Variants in SPATA9 observed in about 807,000 individuals in gnomAD.
SPATA9 encodes spermatogenesis-associated protein 9.
In SPATA9, 27 loss-of-function variants were observed where a neutral mutation model predicts 25.5. The ratio of observed to expected loss-of-function variants is 1.06; its 90% CI spans 0.78 to 1.46. SPATA9 has a LOEUF of 1.46. SPATA9 is among the 40% of genes most tolerant of loss of function. SPATA9 has a pLI of 0.00. For synonymous variants in SPATA9, 102 were observed against 105.7 expected, an observed-to-expected ratio of 0.97 and a Z score of 0.21; for missense variants, 282 against 297.5, an observed-to-expected ratio of 0.95 and a Z score of 0.38.
chr5:95,707,569 C>T, the SPATA9 span, among the ~76,000 whole-genome samples: 1 of 152,094 alleles, frequency 6.6e-6, no homozygotes, highest in Non-Finnish European at 1.5e-5. Context: ...GTAAACCGTT[C>T]CAGGTGCAGG....
chr5:95,675,090 A>T lies in SPATA9; in HGVS notation c.378+322T>A, dbSNP rs1267412174. ...GTTGCCTTGGAAACATAACAAAGTTATGAGGAAAAAGGAACAAAACACAAT... is the reference window on the plus strand; with the variant it reads ...GTTGCCTTGGAAACATAACAAAGTTTTGAGGAAAAAGGAACAAAACACAAT... On this transcript the variant is annotated intron_variant, in intron 3 of 4. Coordinates refer to ENST00000274432, the MANE Select transcript of SPATA9 (RefSeq NM_031952.4). Among the ~76,000 whole-genome samples the T allele has an allele frequency of 2.0e-5, 3 of 152,358 alleles. No homozygotes were observed. In the East Asian group the frequency reaches 5.8e-4, roughly 29 times the overall value.
chr5:95,668,032 T>TG (rs1751986255), intron 3 of SPATA9, among the ~76,000 whole-genome samples: 1 of 152,220 alleles, frequency 6.6e-6, no homozygotes, highest in Admixed American at 6.5e-5. Flanking sequence ...AAGCTGATGC[T>TG]GCCATGCTTC....
In SPATA9 at chr5:95,675,486, A is replaced by C; in HGVS notation, c.304T>G (p.Leu102Val). 6.2e-7 allele frequency: 1 copy of C among 1,614,148 alleles called. No individual in the cohort carries two copies. Among genetic ancestry groups the C allele is most frequent in the Non-Finnish European group, 8.5e-7 (1 of 1,180,014 alleles). The change falls in exon 3 of 5, where the codon TTA becomes GTA. Residue 102 changes from leucine to valine, a missense_variant. Leu to Val is a conservative substitution (Grantham distance 32). Transcript: ENST00000274432. Reference sequence around the variant, plus strand: ...CGACCAGATATGTCCCTTAGCTCTAAAAGTCTGCATGCAAGCTGAGGATGC... The same window carrying C: ...CGACCAGATATGTCCCTTAGCTCTACAAGTCTGCATGCAAGCTGAGGATGC... Reference protein sequence around the residue: ...LLHPQLACRLLELRDISGRLL... With the variant: ...LLHPQLACRLVELRDISGRLL...
chr5:95,715,442 G>T, the SPATA9 span, among the ~76,000 whole-genome samples: 3 of 152,078 alleles, frequency 2.0e-5, no homozygotes, highest in Admixed American at 1.3e-4. Context: ...GAATAGAAAA[G>T]CACAGACACT....
the SPATA9 span, chr5:95,708,691 T>C: frequency 1.4e-6 from 1 of 695,420 alleles, no homozygotes; most frequent in Non-Finnish European, 2.6e-6. Context: ...TGCTGCAAGG[T>C]TGACACTTTC....
At chr5:95,709,860 G>A in the SPATA9 span, among the ~76,000 whole-genome samples, 3 of 152,182 alleles carry the variant, frequency 2.0e-5, no homozygotes, top group African/African-American at 7.2e-5. Flanking sequence ...CCTGGGCGCA[G>A]GTTGTGCACT....
chr5:95,720,659 T>G, the SPATA9 span, among the ~76,000 whole-genome samples: 40 of 152,190 alleles, frequency 2.6e-4, no homozygotes, highest in Non-Finnish European at 5.0e-4. Flanking sequence ...TTGTTTGTAT[T>G]ACATTATACG....
At chr5:95,656,614 G>A (rs1750780117), downstream of SPATA9, 1 of 180,190 alleles carries the variant, frequency 5.5e-6, no homozygotes, top group Non-Finnish European at 1.1e-5. Flanking sequence ...TAAAAATTAA[G>A]GATTAGTAAG....
chr5:95,706,562 G>A, the SPATA9 span, among the ~76,000 whole-genome samples: 1 of 152,048 alleles, frequency 6.6e-6, no homozygotes, highest in Non-Finnish European at 1.5e-5. Context: ...CCTAGTCGCA[G>A]GTATGTCTTT....
chr5:95,685,652 ATAGAT>A (rs574022698), upstream of SPATA9, among the ~76,000 whole-genome samples: 285 of 152,348 alleles, frequency 1.9e-3, no homozygotes, highest in African/African-American at 6.1e-3. Flanking sequence ...GAGAACTGAT[ATAGAT>A]TAAAGTCCAA....
At chr5:95,715,826 T>C in the SPATA9 span, among the ~76,000 whole-genome samples, 4 of 152,150 alleles carry the variant, frequency 2.6e-5, no homozygotes, top group Non-Finnish European at 4.4e-5. Flanking sequence ...GTAACAGATA[T>C]AGCTAACAAA....
chr5:95,728,648 C>T, the SPATA9 span, among the ~76,000 whole-genome samples: 2 of 152,136 alleles, frequency 1.3e-5, no homozygotes, highest in Non-Finnish European at 2.9e-5. Flanking sequence ...TATTCACAAA[C>T]TAATTAATAT....
At chr5:95,731,233 C>T in the SPATA9 span, 1 of 1,005,276 alleles carries the variant, frequency 9.9e-7, no homozygotes, top group Non-Finnish European at 1.2e-6. Flanking sequence ...CCGCCCGACC[C>T]CCGGGGCTGG....
At chr5:95,673,602 A>G (rs1472886954) in intron 3 of SPATA9, among the ~76,000 whole-genome samples, 1 of 152,204 alleles carries the variant, frequency 6.6e-6, no homozygotes, top group Non-Finnish European at 1.5e-5. Context: ...AACCCTCTAT[A>G]AAAAACTATA....
intron 2 of SPATA9, among the ~76,000 whole-genome samples, chr5:95,678,466 A>C (rs1402526632): frequency 6.6e-6 from 1 of 152,216 alleles, no homozygotes; most frequent in Non-Finnish European, 1.5e-5. Flanking sequence ...ACGATTTAGT[A>C]ATCATTATTC....
chr5:95,724,686 G>A, the SPATA9 span, among the ~76,000 whole-genome samples: 7 of 152,056 alleles, frequency 4.6e-5, no homozygotes, highest in African/African-American at 1.2e-4. Context: ...GGCTGGTTTC[G>A]AACGCCTGAC....
chr5:95,688,280 T>A (rs2112701909), intron 1 of SPATA9, among the ~76,000 whole-genome samples: 1 of 152,310 alleles, frequency 6.6e-6, no homozygotes, highest in African/African-American at 2.4e-5. Context: ...CATCTCTCTC[T>A]CACAAAGTGC....
downstream of SPATA9, chr5:95,652,975 T>C: frequency 4.3e-6 from 5 of 1,165,594 alleles, no homozygotes; most frequent in Non-Finnish European, 5.9e-6. Context: ...TTTCCTTTGC[T>C]CTTAGAGTAA....
intron 2 of SPATA9, 36 bp from the exon 3 acceptor site, chr5:95,675,675 A>T: frequency 6.4e-7 from 1 of 1,570,856 alleles, no homozygotes; most frequent in Non-Finnish European, 8.8e-7. Flanking sequence ...ACTGATGTGT[A>T]ATCTCCAGTG....
Sources: gnomAD v4.1 joint callset for allele counts (sites outside exome capture counted in the v4.1 genomes callset) on GRCh38, gnomAD v4.1.1 for gene constraint, MANE v1.5 for transcripts, NCBI Gene and HGNC (gene_info 2026-07-23, HGNC 2026-07-21) for gene names.